Variants in DLC1 observed in about 807,000 individuals in gnomAD.
DLC1 encodes the protein DLC1 Rho GTPase activating protein.
In DLC1, 54 loss-of-function variants were observed where a neutral mutation model predicts 140.3. The ratio of observed to expected loss-of-function variants is 0.38; its 90% confidence interval spans 0.31 to 0.48. The LOEUF is 0.48. Ranked by LOEUF, DLC1 falls within the 20% of genes least tolerant of loss-of-function variation. The pLI is 0.96. For missense variants in DLC1, 2,536 were observed against 1,907.0 expected, an observed-to-expected ratio of 1.33 and a Z score of -6.14; for synonymous variants, 986 against 728.1, an observed-to-expected ratio of 1.35 and a Z score of -5.70.
intron 1 of DLC1, among the ~76,000 whole-genome samples, chr8:13,585,325 A>C (rs1241930290): frequency 6.6e-6 from 1 of 152,180 alleles, no homozygotes; most frequent in East Asian, 1.9e-4. Context: ...GCACTTTGAG[A>C]GGCTGAGGCC....
At chr8:13,591,591 G>T (rs923079900) in intron 1 of DLC1, among the ~76,000 whole-genome samples, 1 of 152,004 alleles carries the variant, frequency 6.6e-6, no homozygotes, top group African/African-American at 2.4e-5. Context: ...CTTCATAGCA[G>T]CATGAGAACA....
At chr8:13,241,179 C>T (rs1829530201) in intron 5 of DLC1, among the ~76,000 whole-genome samples, 1 of 152,176 alleles carries the variant, frequency 6.6e-6, no homozygotes, top group African/African-American at 2.4e-5. Flanking sequence ...ACTGTGGCTT[C>T]ATAACATCCC....
chr8:13,539,126 G>C (rs1803398442), intron 1 of DLC1, among the ~76,000 whole-genome samples: 1 of 151,806 alleles, frequency 6.6e-6, no homozygotes, highest in Non-Finnish European at 1.5e-5. Flanking sequence ...TTTTTATCTT[G>C]ATTATTGGCA....
intron 5 of DLC1, among the ~76,000 whole-genome samples, chr8:13,290,191 G>T (rs1554490484): frequency 6.6e-6 from 1 of 152,104 alleles, no homozygotes; most frequent in Non-Finnish European, 1.5e-5. Flanking sequence ...ATGTTGTTTT[G>T]CCGTACACAC....
intron 4 of DLC1, among the ~76,000 whole-genome samples, chr8:13,357,546 T>G (rs188877612): frequency 6.6e-6 from 1 of 152,330 alleles, no homozygotes; most frequent in Admixed American, 6.5e-5. Context: ...TTCTCTGAAC[T>G]CTGGCACATT....
intron 5 of DLC1, among the ~76,000 whole-genome samples, chr8:13,124,608 T>C (rs1306263084): frequency 6.6e-6 from 1 of 152,222 alleles, no homozygotes; most frequent in Non-Finnish European, 1.5e-5. Context: ...AGCATTACTG[T>C]AACAAGTCAG....
intron 5 of DLC1, chr8:13,276,429 G>A: frequency 7.0e-7 from 1 of 1,432,826 alleles, no homozygotes; most frequent in South Asian, 1.4e-5. Flanking sequence ...AGCGCAGCCC[G>A]GGCGCCGCGA....
chr8:13,183,036 T>A (rs139820960), intron 5 of DLC1, among the ~76,000 whole-genome samples: 2,475 of 152,334 alleles, frequency 0.016, 71 homozygotes, highest in African/African-American at 0.056. Flanking sequence ...GTGCTTCGCA[T>A]CCCTTGTAAG....
chr8:13,499,136 T>C lies in DLC1; in HGVS notation c.936A>G (p.Ala312=). Residue 312 remains alanine (A), a synonymous_variant, in exon 2 of 18, where the codon GCA becomes GCG. Coordinates refer to ENST00000276297, the MANE Select transcript of DLC1 (RefSeq NM_182643.3). The part of the protein sequence containing the change: ...HQNKSPPKVK[A]EDGMQCLQLK... ...ATTGTAAACACTGCATGCCATCTTC[T>C]GCCTTGACCTTTGGTGGACTTTTGT... 1.2e-6 allele frequency: 2 copies of C among 1,614,220 alleles called. No homozygotes were observed. Among genetic ancestry groups the C allele is most frequent in the Non-Finnish European group, 1.7e-6 (2 of 1,180,022 alleles).
At chr8:13,407,776 A>G (rs1198428770) in intron 2 of DLC1, among the ~76,000 whole-genome samples, 1 of 152,118 alleles carries the variant, frequency 6.6e-6, no homozygotes, top group Non-Finnish European at 1.5e-5. Flanking sequence ...GTTATTCTGG[A>G]CTGCTAATAC....
intron 1 of DLC1, among the ~76,000 whole-genome samples, chr8:13,531,767 G>A (rs1403288220): frequency 6.6e-6 from 1 of 152,154 alleles, no homozygotes; most frequent in East Asian, 1.9e-4. Context: ...TCAGTGCTAT[G>A]TTTGATGAAA....
chr8:13,149,380 C>G (rs1463249406), intron 5 of DLC1, among the ~76,000 whole-genome samples: 4 of 152,164 alleles, frequency 2.6e-5, no homozygotes, highest in Non-Finnish European at 5.9e-5. Flanking sequence ...ATTTCCTACC[C>G]CCAGAACTTG....
chr8:13,169,260 C>A (rs556760043), intron 5 of DLC1, among the ~76,000 whole-genome samples: 1 of 152,046 alleles, frequency 6.6e-6, no homozygotes, highest in Non-Finnish European at 1.5e-5. Context: ...GAATGTAATA[C>A]TGTGGGGTTT....
chr8:13,305,652 C>G (rs536955153), intron 4 of DLC1, among the ~76,000 whole-genome samples: 3 of 152,238 alleles, frequency 2.0e-5, no homozygotes, highest in Middle Eastern at 3.4e-3. Context: ...GCCAGGACAA[C>G]ATGGTGAAAC....
chr8:13,501,513 C>T (rs1351147101), intron 1 of DLC1, among the ~76,000 whole-genome samples: 1 of 152,156 alleles, frequency 6.6e-6, no homozygotes, highest in Non-Finnish European at 1.5e-5. Flanking sequence ...CTGCTATAAA[C>T]AAGATTAACT....
intron 5 of DLC1, among the ~76,000 whole-genome samples, chr8:13,277,146 C>G (rs1012236932): frequency 2.0e-5 from 3 of 152,000 alleles, no homozygotes; most frequent in Non-Finnish European, 4.4e-5. Context: ...CAAACAAGAC[C>G]CCACCCCTAC....
chr8:13,429,428 A>G (rs1049662401), intron 2 of DLC1, among the ~76,000 whole-genome samples: 25 of 140,270 alleles, frequency 1.8e-4, no homozygotes, highest in Middle Eastern at 3.8e-3. Flanking sequence ...GATAAAGTCT[A>G]GGCATCCATA....
At chr8:13,487,417 A>C (rs576839610) in intron 2 of DLC1, among the ~76,000 whole-genome samples, 2 of 152,286 alleles carry the variant, frequency 1.3e-5, no homozygotes, top group African/African-American at 4.8e-5. Context: ...CAAAATTTAT[A>C]CAATAATGGT....
At chr8:13,106,287 A>T (rs1819557486) in intron 7 of DLC1, among the ~76,000 whole-genome samples, 1 of 152,240 alleles carries the variant, frequency 6.6e-6, no homozygotes, top group Non-Finnish European at 1.5e-5. Flanking sequence ...ACAAATAAAA[A>T]TGGTTACAAT....
Sources: gnomAD v4.1 joint callset for allele counts (sites outside exome capture counted in the v4.1 genomes callset) on GRCh38, gnomAD v4.1.1 for gene constraint, MANE v1.5 for transcripts, NCBI Gene and HGNC (gene_info 2026-07-23, HGNC 2026-07-21) for gene names.